The following NUDT21 variants were observed in gnomAD, a reference collection of about 807,000 sequenced individuals.
NUDT21 encodes the protein cleavage and polyadenylation specificity factor subunit 5.
NUDT21 carries 5 observed loss-of-function variants against 29.8 expected under a neutral mutation model. The ratio of observed to expected loss-of-function variants is 0.17; its 90% CI spans 0.09 to 0.35. The LOEUF (loss-of-function observed/expected upper bound fraction) is 0.35. Among genes scored for constraint, NUDT21 ranks in the 10% least tolerant of loss-of-function variants. The pLI is 1.00. For missense variants in NUDT21, 76 were observed against 276.0 expected, an observed-to-expected ratio of 0.28 and a Z score of 5.13; for synonymous variants, 113 against 98.5, an observed-to-expected ratio of 1.15 and a Z score of -0.87.
At chr16:56,435,935 G>A (rs1193165903) in intron 4 of NUDT21, among the ~76,000 whole-genome samples, 6 of 146,254 alleles carry the variant, frequency 4.1e-5, no homozygotes, top group African/African-American at 1.2e-4. Flanking sequence ...GCATGCTTCA[G>A]GAATACCAGA....
At chr16:56,432,874 A>G in intron 6 of NUDT21, 141 bp from the exon 7 acceptor site, 2 of 551,750 alleles carry the variant, frequency 3.6e-6, no homozygotes, top group Non-Finnish European at 6.3e-6. Flanking sequence ...ATGCCTTTTT[A>G]CCACGTTTGG....
At chr16:56,441,699 G>A (rs781238963) in intron 3 of NUDT21, among the ~76,000 whole-genome samples, 6 of 152,044 alleles carry the variant, frequency 3.9e-5, no homozygotes, top group Admixed American at 6.6e-5. Flanking sequence ...AGTATGATCC[G>A]GTAGATCAGT....
chr16:56,443,130 C>A (rs1962178352), intron 3 of NUDT21, among the ~76,000 whole-genome samples: 1 of 151,632 alleles, frequency 6.6e-6, no homozygotes, highest in Non-Finnish European at 1.5e-5. Context: ...CAACAAGATG[C>A]TTAATTGTCA....
chr16:56,450,107 TGCCTTAC>T (rs1962269270), intron 1 of NUDT21, among the ~76,000 whole-genome samples: 2 of 152,186 alleles, frequency 1.3e-5, no homozygotes, highest in Admixed American at 6.5e-5. Context: ...ACACCTAAAC[TGCCTTAC>T]GAAAACATCA....
intron 3 of NUDT21, among the ~76,000 whole-genome samples, chr16:56,440,711 G>A (rs1229460813): frequency 6.6e-6 from 1 of 151,802 alleles, no homozygotes; most frequent in African/African-American, 2.4e-5. Context: ...TGTTTATCAC[G>A]TTTCTTCAAT....
At chr16:56,435,106 T>A (rs1429404844) in intron 4 of NUDT21, 2 of 231,770 alleles carry the variant, frequency 8.6e-6, no homozygotes, top group Non-Finnish European at 1.7e-5. Flanking sequence ...AATTAGTATC[T>A]TTAATAAAAG....
At chr16:56,434,551 A>G (rs1224671488) in intron 5 of NUDT21, 106 bp from the exon 6 acceptor site, 3 of 808,782 alleles carry the variant, frequency 3.7e-6, no homozygotes, top group Non-Finnish European at 6.0e-6. Flanking sequence ...AAGAAAAAAG[A>G]TAATTCTCAT....
rs1184229491 is a variant in NUDT21 at position 56,430,739 on chromosome 16, C to G, written c.*1973G>C. On this transcript the variant is annotated 3_prime_UTR_variant, in exon 7 of 7. Coordinates refer to ENST00000300291, the MANE Select transcript of NUDT21 (RefSeq NM_007006.3). ...CAGAGCAAAAAGTTTTTAAGACTTCCGTTTGTGTGTTGCAACTTTTACATT... is the reference window on the plus strand; with the variant it reads ...CAGAGCAAAAAGTTTTTAAGACTTCGGTTTGTGTGTTGCAACTTTTACATT... The G allele has an allele frequency of 6.6e-6, 1 of 152,194 alleles. No individual in the cohort carries two copies. The highest frequency in any genetic ancestry group is 1.5e-5 in the Non-Finnish European group (1 of 68,028). The allele number at this position is 152,194 out of a possible 1,614,324, so 9.4% of individuals were successfully genotyped here.
intron 1 of NUDT21, among the ~76,000 whole-genome samples, chr16:56,450,402 CA>C (rs1567541307): frequency 6.6e-6 from 1 of 152,154 alleles, no homozygotes; most frequent in African/African-American, 2.4e-5. Context: ...TTTTCTGGTA[CA>C]AACATTCTGG....
rs560761281 is a variant in NUDT21, at chr16:56,437,695, T to C, written c.471+1962A>G. On this transcript the variant is annotated intron_variant, in intron 4 of 6. Coordinates refer to ENST00000300291, the MANE Select transcript of NUDT21 (RefSeq NM_007006.3). The stretch of plus-strand genomic sequence containing the variant: ...TTGCCCACAGGTGTAAAAAGATCAA[T>C]AACATGCCCTGTCTTACTTCTGCTG... Among the ~76,000 whole-genome samples the C allele has an allele frequency of 3.3e-5, 5 of 152,240 alleles. No homozygotes were observed. The South Asian group carries it at 1.0e-3, about 32-fold the overall frequency.
intron 3 of NUDT21, among the ~76,000 whole-genome samples, chr16:56,443,865 C>T (rs1411947179): frequency 6.6e-6 from 1 of 152,202 alleles, no homozygotes; most frequent in Non-Finnish European, 1.5e-5. Flanking sequence ...TTATAAATTA[C>T]CCAGCCTCAG....
intron 5 of NUDT21, 76 bp from the exon 6 acceptor site, chr16:56,434,521 T>G (rs879047422): frequency 2.3e-6 from 2 of 886,472 alleles, no homozygotes; most frequent in Non-Finnish European, 3.6e-6. Flanking sequence ...ATTACCAATT[T>G]TACATTTAAT....
Position 56,438,819 on chromosome 16 carries a change from TAA to T in NUDT21, c.471+836_471+837del, listed in dbSNP as rs575255298. On this transcript the variant is annotated intron_variant, in intron 4 of 6. Coordinates refer to ENST00000300291, the MANE Select transcript of NUDT21 (RefSeq NM_007006.3). ...GGAAAAAAAAAAGGTGCCAAGTGTG[TAA>T]AAGAGACTTTAGAGACTATCCTAAT... 1.3e-3 allele frequency among the ~76,000 whole-genome samples: 197 copies of T among 151,784 alleles called. 2 individuals carry two copies. Among genetic ancestry groups the T allele is most frequent in the African/African-American group, 4.5e-3 (186 of 41,430 alleles).
chr16:56,434,686 A>T, intron 5 of NUDT21, 68 bp downstream of exon 5: 2 of 1,031,518 alleles, frequency 1.9e-6, no homozygotes, highest in South Asian at 2.6e-5. Context: ...GAAAACACAA[A>T]TAGAGGTATC....
intron 4 of NUDT21, chr16:56,439,298 A>C (rs113187395): frequency 0.046 from 7,927 of 173,786 alleles, 271 homozygotes; most frequent in East Asian, 0.15. Context: ...CAGCCTCCGG[A>C]GTAGCTGGGA....
chr16:56,434,871 G>T, intron 4 of NUDT21, 42 bp from the exon 5 acceptor site: 1 of 1,192,030 alleles, frequency 8.4e-7, no homozygotes. Context: ...GTATTCCATG[G>T]CTTCATTTCT....
chr16:56,444,026 C>CTCAT (rs1178645852), intron 3 of NUDT21, among the ~76,000 whole-genome samples: 1 of 152,176 alleles, frequency 6.6e-6, no homozygotes, highest in Non-Finnish European at 1.5e-5. Flanking sequence ...GGCCTGGTGG[C>CTCAT]TCATGCATGT....
chr16:56,431,616 T>C lies in NUDT21; in HGVS notation c.*1096A>G, dbSNP rs1458601076. 1.3e-5 allele frequency: 2 copies of C among 152,196 alleles called. No homozygotes were observed. Among genetic ancestry groups the C allele is most frequent in the Non-Finnish European group, 2.9e-5 (2 of 68,030 alleles). 9.4% of individuals were successfully genotyped at this position (152,196 alleles called of 1,614,324 possible). A position where few individuals can be genotyped will look rare whatever the true frequency, so the allele number is the denominator to read the frequency against. On this transcript the variant is annotated 3_prime_UTR_variant, in exon 7 of 7. Coordinates refer to ENST00000300291, the MANE Select transcript of NUDT21 (RefSeq NM_007006.3). ...ACATTAAGCCTATAGTCAACAAGTCTGTAATAAGGCATACATGCTATACTT... is the reference window on the plus strand; with the variant it reads ...ACATTAAGCCTATAGTCAACAAGTCCGTAATAAGGCATACATGCTATACTT...
chr16:56,431,533 C>T lies in NUDT21; in HGVS notation c.*1179G>A, dbSNP rs1299937368. ...ACTGGCACCATACTAATCAAAAGTTCATTTCTATTAAAAACCCTTTTTTCC... is the reference window on the plus strand; with the variant it reads ...ACTGGCACCATACTAATCAAAAGTTTATTTCTATTAAAAACCCTTTTTTCC... On this transcript the variant is annotated 3_prime_UTR_variant, in exon 7 of 7. Transcript: ENST00000300291. The T allele has an allele frequency of 6.6e-6, 1 of 152,174 alleles. No homozygotes were observed. The highest frequency in any genetic ancestry group is 2.4e-5 in the African/African-American group (1 of 41,438). The allele number at this position is 152,174 out of a possible 1,614,324, so 9.4% of individuals were successfully genotyped here. A position where few individuals can be genotyped will look rare whatever the true frequency, so the allele number is the denominator to read the frequency against.
Sources: allele counts gnomAD v4.1 joint callset (sites outside exome capture counted in the v4.1 genomes callset), GRCh38; gene constraint gnomAD v4.1.1; transcripts MANE v1.5; gene names NCBI Gene and HGNC (gene_info 2026-07-23, HGNC 2026-07-21).